The following FBXO33 variants were observed in gnomAD, a reference collection of about 807,000 sequenced individuals.
The protein encoded by FBXO33 is F-box only protein 33.
FBXO33 carries 22 observed loss-of-function variants against 46.3 expected under a neutral mutation model. The observed-to-expected ratio is 0.48, with a 90% CI of 0.34 to 0.68. The LOEUF (loss-of-function observed/expected upper bound fraction) is 0.68, where lower values mean the gene tolerates loss of function less well. FBXO33 is among the 30% of genes least tolerant of loss of function. The pLI, the probability that FBXO33 is intolerant of heterozygous loss-of-function variation, is 0.01. For synonymous variants in FBXO33, 337 were observed against 291.3 expected, an observed-to-expected ratio of 1.16 and a Z score of -1.60; for missense variants, 692 against 708.8, an observed-to-expected ratio of 0.98 and a Z score of 0.27.
chr14:39,415,998 A>G (rs1413827820), intron 1 of FBXO33, among the ~76,000 whole-genome samples: 2 of 152,128 alleles, frequency 1.3e-5, no homozygotes, highest in East Asian at 3.9e-4. Context: ...TTTATATCAG[A>G]GTTACAGTGA....
At chr14:39,425,477 T>A (rs1230642101) in intron 1 of FBXO33, among the ~76,000 whole-genome samples, 1 of 152,222 alleles carries the variant, frequency 6.6e-6, no homozygotes, top group African/African-American at 2.4e-5. Context: ...TCTTTTCCAA[T>A]GCCATAAAAG....
chr14:39,420,483 C>T (rs921080901), intron 1 of FBXO33, among the ~76,000 whole-genome samples: 5 of 152,090 alleles, frequency 3.3e-5, no homozygotes, highest in Admixed American at 1.3e-4. Flanking sequence ...GAGGTCAGAT[C>T]GAGACCAACC....
rs75066278 is a variant in FBXO33 at position 39,405,501 on chromosome 14, G to GC, written c.600-2991_600-2990insG. On this transcript the variant is annotated intron_variant, in intron 1 of 3. Transcript: ENST00000298097. ...TGAAAATCAGGGAATTTTTTGGGGG[G>GC]GTGTGGAGGCATGGTGGTGAAGTAA... Among the ~76,000 whole-genome samples, 11 of 151,898 alleles carry GC rather than the reference G, an allele frequency of 7.2e-5. No individual in the cohort carries two copies. The East Asian group carries it at 2.1e-3, about 29-fold the overall frequency.
intron 1 of FBXO33, among the ~76,000 whole-genome samples, chr14:39,423,673 T>C (rs896639107): frequency 2.0e-5 from 3 of 152,170 alleles, no homozygotes; most frequent in Non-Finnish European, 4.4e-5. Context: ...TAATCTTGCT[T>C]ATATGAAGTC....
chr14:39,411,507 T>C (rs2075422488), intron 1 of FBXO33, among the ~76,000 whole-genome samples: 1 of 150,702 alleles, frequency 6.6e-6, no homozygotes. Context: ...TGTATCAAGA[T>C]ATTATTTGAC....
At chr14:39,412,085 A>C (rs2075425978) in intron 1 of FBXO33, among the ~76,000 whole-genome samples, 1 of 152,182 alleles carries the variant, frequency 6.6e-6, no homozygotes, top group Non-Finnish European at 1.5e-5. Flanking sequence ...TTTGGCCCAT[A>C]GTTTGGTTAA....
Position 39,432,230 on chromosome 14 carries a change from G to A in FBXO33, c.-68C>T. On this transcript the variant is annotated 5_prime_UTR_variant, in exon 1 of 4. Coordinates refer to ENST00000298097, the MANE Select transcript of FBXO33 (RefSeq NM_203301.4). ...CGGAACCAAGTAGAACACAAGTTGT[G>A]GAGAGGGGGAAAGGCCTCTGCGGGC... is the stretch of plus-strand genomic sequence containing the variant. 1 of 1,157,256 alleles carries A rather than the reference G, an allele frequency of 8.6e-7. No homozygotes were observed. Among genetic ancestry groups the A allele is most frequent in the Non-Finnish European group, 1.1e-6 (1 of 935,366 alleles). The allele number at this position is 1,157,256 out of a possible 1,614,324, so 71.7% of individuals were successfully genotyped here.
chr14:39,422,427 C>T (rs1322734199), intron 1 of FBXO33, among the ~76,000 whole-genome samples: 1 of 152,220 alleles, frequency 6.6e-6, no homozygotes, highest in Non-Finnish European at 1.5e-5. Flanking sequence ...ATTCCCAACA[C>T]AGTAGCCAGA....
At chr14:39,410,585 T>G (rs1300854764) in intron 1 of FBXO33, among the ~76,000 whole-genome samples, 1 of 152,226 alleles carries the variant, frequency 6.6e-6, no homozygotes, top group Non-Finnish European at 1.5e-5. Context: ...TTCGAAGAGT[T>G]GAAGAAGGAC....
rs1454897305 is a variant in FBXO33 at position 39,432,215 on chromosome 14, T to C, written c.-53A>G. ...CGTCGTGGGTCTCGGCGGAACCAAG[T>C]AGAACACAAGTTGTGGAGAGGGGGA... On this transcript the variant is annotated 5_prime_UTR_variant, in exon 1 of 4. Coordinates refer to ENST00000298097, the MANE Select transcript of FBXO33 (RefSeq NM_203301.4). 2 of 1,181,504 alleles carry C rather than the reference T, an allele frequency of 1.7e-6. No individual in the cohort carries two copies. Among genetic ancestry groups the C allele is most frequent in the Non-Finnish European group, 2.1e-6 (2 of 952,868 alleles). The allele number at this position is 1,181,504 out of a possible 1,614,324, so 73.2% of individuals were successfully genotyped here.
Position 39,431,973 on chromosome 14 carries a change from G to A in FBXO33, c.190C>T (p.Gln64Ter). 6.6e-7 allele frequency: 1 copy of A among 1,525,458 alleles called. No individual in the cohort carries two copies. The highest frequency in any genetic ancestry group is 8.8e-7 in the Non-Finnish European group (1 of 1,142,592). 94.5% of individuals were successfully genotyped at this position (1,525,458 alleles called of 1,614,324 possible). ...RRRGRMALCG[Q>*]AAGAASLPSE... ...GGCAGCGACGCAGCGCCCGCCGCCT[G>A]CCCGCACAGAGCCATCCGGCCCCGC... Residue 64 changes from glutamine to a stop codon, truncating the protein, a stop_gained, in exon 1 of 4, where the codon CAG (glutamine) becomes TAG (stop). Transcript: ENST00000298097. LOFTEE classifies it high-confidence loss of function.
chr14:39,412,388 C>G (rs2075427703), intron 1 of FBXO33, among the ~76,000 whole-genome samples: 1 of 152,146 alleles, frequency 6.6e-6, no homozygotes, highest in Non-Finnish European at 1.5e-5. Context: ...CTTTTAATTA[C>G]TATTTGCATG....
chr14:39,404,915 G>T (rs1374852962), intron 1 of FBXO33, among the ~76,000 whole-genome samples: 1 of 151,930 alleles, frequency 6.6e-6, no homozygotes, highest in Non-Finnish European at 1.5e-5. Context: ...TTGGGAGGCT[G>T]AGGTGGGTGG....
chr14:39,401,487 G>A lies in FBXO33; in HGVS notation c.1085C>T (p.Ala362Val), dbSNP rs2075368431. 2 of 1,614,152 alleles carry A rather than the reference G, an allele frequency of 1.2e-6. No individual in the cohort carries two copies. The highest frequency in any genetic ancestry group is 1.7e-5 in the Admixed American group (1 of 60,016). The part of the protein sequence containing the change: ...DNMPNDEHWK[A>V]LSRKSTSFRV... ...AAAGCTGGTGCTCTTTCGTGACAGG[G>A]CTTTCCAATGCTCATCATTTGGCAT... The change falls in exon 3 of 4, where the codon GCC becomes GTC. Residue 362 changes from alanine (A) to valine (V), a missense_variant. By Grantham distance (64) the Ala-to-Val change is moderately conservative. Transcript: ENST00000298097.
In FBXO33 at chr14:39,401,813, T is replaced by A; in HGVS notation, c.759A>T (p.Lys253Asn). 6.2e-7 allele frequency: 1 copy of A among 1,613,818 alleles called. No individual in the cohort carries two copies. Among genetic ancestry groups the A allele is most frequent in the South Asian group, 1.1e-5 (1 of 91,026 alleles). The stretch of plus-strand genomic sequence containing the variant: ...CCAGCATAAACCCACAGGACAGCCA[T>A]TTCAGTTGCCTACTATTACTCAGGA... ...EEILSNSRQL[K>N]WLSCGFMLEI... The change falls in exon 3 of 4, where the codon AAA becomes AAT. Residue 253 changes from lysine (K) to asparagine (N), a missense_variant. By Grantham distance (94) the Lys-to-Asn change is moderately conservative (BLOSUM62 0). Around this residue, in one of 3 missense-constraint regions of FBXO33, gnomAD observed 412 missense variants for 370.8 expected, o/e 1.11. Coordinates refer to ENST00000298097, the MANE Select transcript of FBXO33 (RefSeq NM_203301.4).
At position 39,431,424 on chromosome 14, in the gene FBXO33, G is replaced by C. The variant is rs1454477610; in HGVS notation, c.599+140C>G. The C allele has an allele frequency of 4.8e-6, 7 of 1,457,384 alleles. No individual in the cohort carries two copies. In the African/African-American group the frequency reaches 9.9e-5, roughly 21 times the overall value. The allele number at this position is 1,457,384 out of a possible 1,614,324, so 90.3% of individuals were successfully genotyped here. ...CCTTTCCGCTCAAGGAAACCGCCTA[G>C]TTAGAACCAACACTCTCCGTCACTG... On this transcript the variant is annotated intron_variant, in intron 1 of 3. Transcript: ENST00000298097.
chr14:39,430,016 G>A (rs970241682), intron 1 of FBXO33, among the ~76,000 whole-genome samples: 1 of 152,176 alleles, frequency 6.6e-6, no homozygotes, highest in Non-Finnish European at 1.5e-5. Context: ...GTGTTTGCAT[G>A]GTTGCATAAA....
intron 1 of FBXO33, among the ~76,000 whole-genome samples, chr14:39,404,207 A>G (rs2075381732): frequency 1.3e-5 from 2 of 152,210 alleles, no homozygotes; most frequent in African/African-American, 4.8e-5. Flanking sequence ...GAACTGTGCT[A>G]TATACTAGAG....
chr14:39,423,987 T>C (rs2075498167), intron 1 of FBXO33, among the ~76,000 whole-genome samples: 1 of 152,186 alleles, frequency 6.6e-6, no homozygotes, highest in Non-Finnish European at 1.5e-5. Context: ...CAGTGTCTAT[T>C]GTTTCTATTT....
Sources: gnomAD v4.1 joint callset for allele counts (sites outside exome capture counted in the v4.1 genomes callset) on GRCh38, gnomAD v4.1.1 for gene constraint, gnomAD v4.1.1 regional missense constraint, MANE v1.5 for transcripts, NCBI Gene and HGNC (gene_info 2026-07-23, HGNC 2026-07-21) for gene names.